Variants in SIX4 observed in about 807,000 individuals in gnomAD.
SIX4 encodes the protein homeobox protein SIX4.
A neutral mutation model predicts 51.5 loss-of-function variants in SIX4; 23 were observed. That is an observed-to-expected ratio of 0.45 (90% CI 0.32 to 0.63). SIX4 has a LOEUF of 0.63. Among genes scored for constraint, SIX4 ranks in the 30% least tolerant of loss-of-function variants. The pLI is 0.04. For missense variants in SIX4, 867 were observed against 984.0 expected (o/e 0.88, Z 1.59); for synonymous variants, 413 against 417.3 (o/e 0.99, Z 0.13).
In SIX4 at chr14:60,713,948, C is replaced by T; in HGVS notation, c.1805G>A (p.Ser602Asn). The change falls in exon 3 of 3, where the codon AGT (serine) becomes AAT (asparagine). Residue 602 changes from serine (S) to asparagine (N), a missense_variant. By Grantham distance (46) the Ser-to-Asn change is conservative. Coordinates refer to ENST00000216513, the MANE Select transcript of SIX4 (RefSeq NM_017420.5). ...ANLSSENISG[S>N]GLHPLASSLV... ...TGAGGAGGCCAGTGGATGCAGGCCA[C>T]TCCCCGAGATGTTTTCAGAAGACAG... The T allele has an allele frequency of 6.2e-7, 1 of 1,614,130 alleles. No homozygotes were observed. Among genetic ancestry groups the T allele is most frequent in the Non-Finnish European group, 8.5e-7 (1 of 1,180,016 alleles).
chr14:60,723,651 G>A lies in SIX4; in HGVS notation c.424C>T (p.Leu142=). Residue 142 remains leucine, a synonymous_variant, in exon 1 of 3, where the codon CTA becomes TTA. Transcript: ENST00000216513. ...FLWSLPQSDL[L]RGNESLLKAR... The stretch of plus-strand genomic sequence containing the variant: ...TTCAGCAGGCTCTCGTTGCCACGTA[G>A]CAGGTCGCTCTGGGGCAGGGACCAC... The A allele has an allele frequency of 6.3e-7, 1 of 1,594,804 alleles. No homozygotes were observed. The highest frequency in any genetic ancestry group is 8.5e-7 in the Non-Finnish European group (1 of 1,171,748).
In SIX4 at chr14:60,713,414, T is replaced by C. The variant is rs770486222; in HGVS notation, c.2339A>G (p.Asp780Gly). 6.3e-7 allele frequency: 1 copy of C among 1,594,040 alleles called. No homozygotes were observed. Among genetic ancestry groups the C allele is most frequent in the East Asian group, 2.2e-5 (1 of 44,688 alleles). The change falls in exon 3 of 3, where the codon GAC becomes GGC. Residue 780 changes from aspartate to glycine, a missense_variant. Physicochemically the swap from Asp to Gly is moderately conservative, Grantham distance 94. Transcript: ENST00000216513. ...GTGAGGAGGAAATAAAGTTCATAAG[T>C]CTTGCATATCTTCATCCAGCTGGAC... Reference protein sequence around the residue: ...QTVQLDEDMQDL With the variant: ...QTVQLDEDMQGL
In SIX4 at chr14:60,723,307, C is replaced by T. The variant is rs779390509; in HGVS notation, c.768G>A (p.Leu256=). 1.8e-5 allele frequency: 29 copies of T among 1,612,370 alleles called. No individual in the cohort carries two copies. Among genetic ancestry groups the T allele is most frequent in the Middle Eastern group, 3.3e-4 (2 of 6,082 alleles). The change falls in exon 1 of 3, where the codon CTG becomes CTA. Residue 256 remains leucine, a synonymous_variant. Coordinates refer to ENST00000216513, the MANE Select transcript of SIX4 (RefSeq NM_017420.5). ...RYPSPAEKRH[L]AKITGLSLTQ... ...TGAGGGAGAGGCCGGTGATCTTGGC[C>T]AGGTGCCGCTTCTCGGCGGGCGAAG...
rs749263224 is a variant in SIX4 at position 60,713,516 on chromosome 14, T to G, written c.2237A>C (p.Tyr746Ser). The change falls in exon 3 of 3, where the codon TAT (tyrosine) becomes TCT (serine). Residue 746 changes from tyrosine (Y) to serine (S), a missense_variant. Transcript: ENST00000216513. ...SLMMLDSKSK[Y>S]VLDGMVDTVC... ...AGTATCAACCATGCCATCTAAGACA[T>G]ACTTGGATTTAGAGTCCAGCATCAT... The G allele has an allele frequency of 6.2e-7, 1 of 1,614,106 alleles. No homozygotes were observed. The highest frequency in any genetic ancestry group is 2.2e-5 in the East Asian group (1 of 44,904).
In SIX4 at chr14:60,712,514, T is replaced by C. The variant is rs1482069353; in HGVS notation, c.*893A>G. 2 of 152,574 alleles carry C rather than the reference T, an allele frequency of 1.3e-5. No homozygotes were observed. The highest frequency in any genetic ancestry group is 2.9e-5 in the Non-Finnish European group (2 of 68,016). The allele number at this position is 152,574 out of a possible 1,614,324, so 9.5% of individuals were successfully genotyped here. ...GAAAAAAAGTACCAAAATTCCAATATTGGGAGTTAGATTTCCTGTTTCAGT... is the reference window on the plus strand; with the variant it reads ...GAAAAAAAGTACCAAAATTCCAATACTGGGAGTTAGATTTCCTGTTTCAGT... On this transcript the variant is annotated 3_prime_UTR_variant, in exon 3 of 3. Transcript: ENST00000216513.
Position 60,713,535 on chromosome 14 carries a change from G to C in SIX4, c.2218C>G (p.Leu740Val). 6.2e-7 allele frequency: 1 copy of C among 1,614,198 alleles called. No individual in the cohort carries two copies. Among genetic ancestry groups the C allele is most frequent in the Non-Finnish European group, 8.5e-7 (1 of 1,180,046 alleles). Residue 740 changes from leucine to valine, a missense_variant, in exon 3 of 3, where the codon CTG (leucine) becomes GTG (valine). Leu to Val is a conservative substitution (Grantham distance 32). Coordinates refer to ENST00000216513, the MANE Select transcript of SIX4 (RefSeq NM_017420.5). ...AAGACATACTTGGATTTAGAGTCCA[G>C]CATCATTAAGCTACTTGTTGCTTTG... ...ESKATSSLMM[L>V]DSKSKYVLDG... is the part of the protein sequence containing the mutation.
intron 2 of SIX4, among the ~76,000 whole-genome samples, chr14:60,718,269 T>TA (rs1895956397): frequency 6.6e-6 from 1 of 152,186 alleles, no homozygotes; most frequent in South Asian, 2.1e-4. Flanking sequence ...TGGTTAAACT[T>TA]AGACTGTCTG....
In SIX4 at chr14:60,723,978, G is replaced by C. The variant is rs1896090394; in HGVS notation, c.97C>G (p.Arg33Gly). 2.0e-6 allele frequency: 3 copies of C among 1,512,214 alleles called. No individual in the cohort carries two copies. In the South Asian group the frequency reaches 4.0e-5, roughly 20 times the overall value. 93.7% of individuals were successfully genotyped at this position (1,512,214 alleles called of 1,614,324 possible). A position where few individuals can be genotyped will look rare whatever the true frequency, so the allele number is the denominator to read the frequency against. ...ACCGCCGCGCCCCCCGCCACTTCTC[G>C]GTGCGCCTCCTGCCCTTCCGAGGCG... ...ESASEGQEAH[R>G]EVAGGAAVGL... The change falls in exon 1 of 3, where the codon CGA becomes GGA. Residue 33 changes from arginine to glycine, a missense_variant. By Grantham distance (125) the Arg-to-Gly change is moderately radical. Coordinates refer to ENST00000216513, the MANE Select transcript of SIX4 (RefSeq NM_017420.5).
At chr14:60,715,172 A>G (rs759985211) in intron 2 of SIX4, among the ~76,000 whole-genome samples, 1 of 152,104 alleles carries the variant, frequency 6.6e-6, no homozygotes, top group African/African-American at 2.4e-5. Flanking sequence ...TGATTCAGTC[A>G]AGTTTCTGTT....
At chr14:60,716,355 C>A (rs1895921767) in intron 2 of SIX4, among the ~76,000 whole-genome samples, 1 of 151,896 alleles carries the variant, frequency 6.6e-6, no homozygotes, top group Non-Finnish European at 1.5e-5. Context: ...TGGGTTCAAG[C>A]AATTCTCCTG....
Position 60,722,092 on chromosome 14 carries a change from C to T in SIX4, c.863+1120G>A, listed in dbSNP as rs987651126. Among the ~76,000 whole-genome samples, 2 of 152,152 alleles carry T rather than the reference C, an allele frequency of 1.3e-5. No homozygotes were observed. Among genetic ancestry groups the T allele is most frequent in the East Asian group, 1.9e-4 (1 of 5,170 alleles). On this transcript the variant is annotated intron_variant, in intron 1 of 2. Transcript: ENST00000216513. This position sits in a 1 kb window ranked among gnomAD's most constrained non-coding sequence, Gnocchi z 5.9. ...GCGCAGGCGGGCTGGATCCCCGGCT[C>T]CCAGTTTGCTTCCCCGAGAAGAACC...
Position 60,720,823 on chromosome 14 carries a change from G to A in SIX4, c.864-378C>T, listed in dbSNP as rs948801375. Among the ~76,000 whole-genome samples, 3 of 152,202 alleles carry A rather than the reference G, an allele frequency of 2.0e-5. No individual in the cohort carries two copies. Among genetic ancestry groups the A allele is most frequent in the Non-Finnish European group, 2.9e-5 (2 of 68,044 alleles). ...AGAAAAAAACACCTTAAATGAGGTG[G>A]TCGGTCTTTCCTGTTTAGGAACTCC... On this transcript the variant is annotated intron_variant, in intron 1 of 2. Coordinates refer to ENST00000216513, the MANE Select transcript of SIX4 (RefSeq NM_017420.5). The surrounding 1 kb of genome is among the most constrained non-coding windows in gnomAD (Gnocchi z 5.5).
intron 2 of SIX4, among the ~76,000 whole-genome samples, chr14:60,715,838 G>C (rs1004264124): frequency 6.6e-6 from 1 of 151,992 alleles, no homozygotes; most frequent in African/African-American, 2.4e-5. Flanking sequence ...GTGATAGGTG[G>C]GCTGTTTATC....
At chr14:60,721,256 T>C in intron 1 of SIX4, 1 of 640,750 alleles carries the variant, frequency 1.6e-6, no homozygotes, top group Non-Finnish European at 1.9e-6. Context: ...CTCAGCTCTC[T>C]GACTTGGGAG....
rs757133802 is a variant in SIX4 at position 60,724,262 on chromosome 14, G to C, written c.-188C>G. Reference sequence around the variant, plus strand: ...CCCCCGGCCACGCAGTCACCATTAAGATAGCTGTTAGAGCAAAGTAGTGTA... The same window carrying C: ...CCCCCGGCCACGCAGTCACCATTAACATAGCTGTTAGAGCAAAGTAGTGTA... On this transcript the variant is annotated 5_prime_UTR_variant, in exon 1 of 3. It adds an upstream start codon to the 5' untranslated region. Coordinates refer to ENST00000216513, the MANE Select transcript of SIX4 (RefSeq NM_017420.5). 52 of 1,534,804 alleles carry C rather than the reference G, an allele frequency of 3.4e-5. No individual in the cohort carries two copies. The highest frequency in any genetic ancestry group is 4.4e-5 in the Non-Finnish European group (51 of 1,146,518).
In SIX4 at chr14:60,723,904, G is replaced by T. The variant is rs748952034; in HGVS notation, c.171C>A (p.Asp57Glu). The T allele has an allele frequency of 2.6e-6, 4 of 1,519,574 alleles. No individual in the cohort carries two copies. The South Asian group carries it at 3.9e-5, about 15-fold the overall frequency. 94.1% of individuals were successfully genotyped at this position (1,519,574 alleles called of 1,614,324 possible). The part of the protein sequence containing the change: ...APAPFPLEPG[D>E]AATAAARVSG... ...TCACCCTGGCGGCAGCGGTCGCGGC[G>T]TCCCCCGGCTCCAGGGGAAAAGGGG... The change falls in exon 1 of 3, where the codon GAC becomes GAA. Residue 57 changes from aspartate to glutamate, a missense_variant. Coordinates refer to ENST00000216513, the MANE Select transcript of SIX4 (RefSeq NM_017420.5).
Position 60,722,758 on chromosome 14 carries a change from G to T in SIX4, c.863+454C>A, listed in dbSNP as rs1046392801. ...GGGAGCGTGCGCGCGCGCCAGGCCCGGTGTGACCTCGCGGAGGTGCAGACC... is the reference window on the plus strand; with the variant it reads ...GGGAGCGTGCGCGCGCGCCAGGCCCTGTGTGACCTCGCGGAGGTGCAGACC... On this transcript the variant is annotated intron_variant, in intron 1 of 2. Coordinates refer to ENST00000216513, the MANE Select transcript of SIX4 (RefSeq NM_017420.5). This position sits in a 1 kb window ranked among gnomAD's most constrained non-coding sequence, Gnocchi z 5.9. Among the ~76,000 whole-genome samples, 1 of 152,058 alleles carries T rather than the reference G, an allele frequency of 6.6e-6. No individual in the cohort carries two copies. The highest frequency in any genetic ancestry group is 1.5e-5 in the Non-Finnish European group (1 of 67,970).
Position 60,710,934 on chromosome 14 carries a change from TA to T in SIX4, c.*2472del, listed in dbSNP as rs1895807771. ...GTTTTGTGCTATCTTTTCTTTTTCA[TA>T]AGGGAGAAAAGAGGAAGAACACTGA... On this transcript the variant is annotated 3_prime_UTR_variant, in exon 3 of 3. Coordinates refer to ENST00000216513, the MANE Select transcript of SIX4 (RefSeq NM_017420.5). 1 of 152,122 alleles carries T rather than the reference TA, an allele frequency of 6.6e-6. No homozygotes were observed. The highest frequency in any genetic ancestry group is 2.4e-5 in the African/African-American group (1 of 41,330). 9.4% of individuals were successfully genotyped at this position (152,122 alleles called of 1,614,324 possible).
Position 60,710,502 on chromosome 14 carries a change from A to T in SIX4, c.*2905T>A, listed in dbSNP as rs1168338329. The T allele has an allele frequency of 6.6e-6, 1 of 152,598 alleles. No homozygotes were observed. Among genetic ancestry groups the T allele is most frequent in the East Asian group, 1.9e-4 (1 of 5,200 alleles). The allele number at this position is 152,598 out of a possible 1,614,324, so 9.5% of individuals were successfully genotyped here. ...GAGTGCATAGATAGGCTTACACCAA[A>T]AATCCCACAGCCAGCAGCATGGGTT... On this transcript the variant is annotated 3_prime_UTR_variant, in exon 3 of 3. Transcript: ENST00000216513.
Sources: gnomAD v4.1 joint callset for allele counts (sites outside exome capture counted in the v4.1 genomes callset) on GRCh38, gnomAD v4.1.1 for gene constraint, Gnocchi (gnomAD v3.1) non-coding constraint, MANE v1.5 for transcripts, NCBI Gene and HGNC (gene_info 2026-07-23, HGNC 2026-07-21) for gene names.